The following ACER1 variants were observed in gnomAD, a reference collection of about 807,000 sequenced individuals.
The protein encoded by ACER1 is CTB-180A7.3.
ACER1 carries 28 observed loss-of-function variants against 24.9 expected under a neutral mutation model. The observed-to-expected ratio is 1.13, with a 90% CI of 0.83 to 1.54. ACER1 has a LOEUF of 1.54. Ranked by LOEUF, ACER1 falls within the 40% of genes most tolerant of loss-of-function variation. The pLI is 0.00. For synonymous variants in ACER1, 132 were observed against 131.4 expected (o/e 1.00, Z -0.03); for missense variants, 352 against 349.3 (o/e 1.01, Z -0.06).
At chr19:6,322,243 A>T (rs74328092) in intron 1 of ACER1, among the ~76,000 whole-genome samples, 5,481 of 152,298 alleles carry the variant, frequency 0.036, 345 homozygotes, top group African/African-American at 0.13. Flanking sequence ...AATTGCAATA[A>T]AAAATGAATA....
chr19:6,355,978 T>C, the ACER1 span, among the ~76,000 whole-genome samples: 7 of 151,624 alleles, frequency 4.6e-5, no homozygotes, highest in Non-Finnish European at 1.0e-4. Flanking sequence ...GTGTACCCAA[T>C]AGCTCATTGA....
chr19:6,327,703 AC>A (rs2091668119), intron 1 of ACER1, among the ~76,000 whole-genome samples: 1 of 152,156 alleles, frequency 6.6e-6, no homozygotes, highest in Non-Finnish European at 1.5e-5. Context: ...AATCATGTTT[AC>A]ATTTTCAAAT....
the ACER1 span, among the ~76,000 whole-genome samples, chr19:6,349,599 T>C: frequency 6.6e-6 from 1 of 152,090 alleles, no homozygotes; most frequent in Non-Finnish European, 1.5e-5. Context: ...GGACAAAGCC[T>C]TGGCTAATCG....
At chr19:6,354,453 G>A in the ACER1 span, among the ~76,000 whole-genome samples, 4 of 152,086 alleles carry the variant, frequency 2.6e-5, no homozygotes. Context: ...ATTTTCAATC[G>A]TGCCAAAGTT....
At chr19:6,346,177 G>A in the ACER1 span, among the ~76,000 whole-genome samples, 4 of 151,934 alleles carry the variant, frequency 2.6e-5, no homozygotes, top group Non-Finnish European at 5.9e-5. Context: ...GCATATGATC[G>A]GATTATCCTA....
the ACER1 span, among the ~76,000 whole-genome samples, chr19:6,359,527 A>T: frequency 1.3e-5 from 2 of 152,054 alleles, no homozygotes; most frequent in East Asian, 3.9e-4. Flanking sequence ...TGTGTTGGTC[A>T]GGCTGGTCTC....
At chr19:6,329,075 G>A (rs1414325185) in intron 1 of ACER1, among the ~76,000 whole-genome samples, 4 of 151,936 alleles carry the variant, frequency 2.6e-5, no homozygotes, top group African/African-American at 9.7e-5. Flanking sequence ...TTAAGTCCAG[G>A]AGGTCAAGGC....
chr19:6,324,040 C>G (rs912538926), intron 1 of ACER1, among the ~76,000 whole-genome samples: 1 of 151,998 alleles, frequency 6.6e-6, no homozygotes, highest in Non-Finnish European at 1.5e-5. Flanking sequence ...CTCCTCATTT[C>G]TCTCTTTTTA....
chr19:6,359,043 G>C, the ACER1 span, among the ~76,000 whole-genome samples: 2 of 151,906 alleles, frequency 1.3e-5, no homozygotes, highest in Admixed American at 6.6e-5. Flanking sequence ...ACCAGCCTGG[G>C]CAACATAGGG....
chr19:6,333,451 G>C lies in ACER1; in HGVS notation c.93+8C>G. On this transcript the variant is annotated splice_region_variant and intron_variant, in intron 1 of 5. Coordinates refer to ENST00000301452, the MANE Select transcript of ACER1 (RefSeq NM_133492.3). ...TGGCGAGACTCCTTCACACACCCAC[G>C]CACTCACCGTGTTGTAGAACTCGGC... 1.3e-6 allele frequency: 2 copies of C among 1,579,932 alleles called. No homozygotes were observed. Among genetic ancestry groups the C allele is most frequent in the South Asian group, 2.3e-5 (2 of 86,718 alleles).
the ACER1 span, among the ~76,000 whole-genome samples, chr19:6,359,039 C>G: frequency 6.6e-6 from 1 of 151,908 alleles, no homozygotes; most frequent in East Asian, 1.9e-4. Flanking sequence ...CAAGACCAGC[C>G]TGGGCAACAT....
At chr19:6,316,031 G>A (rs973754402) in intron 1 of ACER1, among the ~76,000 whole-genome samples, 1 of 152,204 alleles carries the variant, frequency 6.6e-6, no homozygotes, top group Admixed American at 6.5e-5. Flanking sequence ...GGGAGGCTGA[G>A]GCAGGAGAAT....
chr19:6,315,812 G>A (rs1222299634), intron 1 of ACER1, among the ~76,000 whole-genome samples: 1 of 152,160 alleles, frequency 6.6e-6, no homozygotes, highest in African/African-American at 2.4e-5. Flanking sequence ...ACCACACCTG[G>A]CCTGGAATAC....
chr19:6,327,585 T>A (rs552956630), intron 1 of ACER1, among the ~76,000 whole-genome samples: 63 of 149,760 alleles, frequency 4.2e-4, no homozygotes, highest in African/African-American at 1.5e-3. Flanking sequence ...AATAAATAAA[T>A]AATAATAAAA....
chr19:6,311,955 A>G (rs1438685179), intron 3 of ACER1, among the ~76,000 whole-genome samples, 194 bp downstream of exon 3: 1 of 152,078 alleles, frequency 6.6e-6, no homozygotes, highest in East Asian at 1.9e-4. Flanking sequence ...AAACCAGGTA[A>G]GCTCAGGGGA....
At chr19:6,357,762 CAAA>C in the ACER1 span, among the ~76,000 whole-genome samples, 17 of 113,326 alleles carry the variant, frequency 1.5e-4, 1 homozygote, top group African/African-American at 2.8e-4. Flanking sequence ...GACCCCGTCT[CAAA>C]AAAAAAAAAA....
intron 1 of ACER1, among the ~76,000 whole-genome samples, chr19:6,316,664 C>G (rs1038298962): frequency 6.6e-6 from 1 of 151,546 alleles, no homozygotes; most frequent in Non-Finnish European, 1.5e-5. Context: ...ACTAAAGATA[C>G]AAAAAATTAG....
the ACER1 span, among the ~76,000 whole-genome samples, chr19:6,356,281 G>C: frequency 1.3e-5 from 2 of 148,572 alleles, no homozygotes; most frequent in African/African-American, 2.6e-5. Flanking sequence ...CAGCATGCTG[G>C]TTAAGAGTCA....
At chr19:6,323,523 C>G (rs1018960964) in intron 1 of ACER1, among the ~76,000 whole-genome samples, 1 of 152,208 alleles carries the variant, frequency 6.6e-6, no homozygotes, top group East Asian at 1.9e-4. Context: ...TCCTCCTTGC[C>G]TTCCACCATG....
Sources: gnomAD v4.1 joint callset for allele counts (sites outside exome capture counted in the v4.1 genomes callset) on GRCh38, gnomAD v4.1.1 for gene constraint, MANE v1.5 for transcripts, NCBI Gene and HGNC (gene_info 2026-07-23, HGNC 2026-07-21) for gene names.